Variants in SGCZ observed in about 807,000 individuals in gnomAD.
SGCZ encodes the protein sarcoglycan zeta, also known as zeta-sarcoglycan.
In SGCZ, 40 loss-of-function variants were observed where a neutral mutation model predicts 41.3. The ratio of observed to expected loss-of-function variants is 0.97; its 90% CI spans 0.75 to 1.26. SGCZ has a LOEUF of 1.26. Ranked by LOEUF, SGCZ falls within the 50% of genes most tolerant of loss-of-function variation. SGCZ has a pLI of 0.00. For synonymous variants in SGCZ, 206 were observed against 137.5 expected, an observed-to-expected ratio of 1.50 and a Z score of -3.49; for missense variants, 552 against 369.8, an observed-to-expected ratio of 1.49 and a Z score of -4.04.
intron 1 of SGCZ, among the ~76,000 whole-genome samples, chr8:14,846,703 C>CAAAAAAAAAAA (rs56796907): frequency 2.6e-4 from 5 of 19,370 alleles, no homozygotes; most frequent in Non-Finnish European, 4.5e-4. Flanking sequence ...CCTTTAAATC[C>CAAAAAAAAAAA]AAAAAAAAAA....
At chr8:14,441,549 T>C (rs1188948274) in intron 2 of SGCZ, among the ~76,000 whole-genome samples, 2 of 152,202 alleles carry the variant, frequency 1.3e-5, no homozygotes, top group African/African-American at 4.8e-5. Flanking sequence ...CACTCCAGCC[T>C]GGTGATAGAG....
Position 14,531,604 on chromosome 8 carries a change from T to C in SGCZ, c.234+23128A>G, listed in dbSNP as rs368336279. Among the ~76,000 whole-genome samples the C allele has an allele frequency of 1.3e-4, 20 of 152,184 alleles. No individual in the cohort carries two copies. The East Asian group carries it at 2.7e-3, about 21-fold the overall frequency. ...AAGAATTCTAAAATAACCCTGAGAATTTATGAGTTATGAGAGGATACACAG... is the reference window on the plus strand; with the variant it reads ...AAGAATTCTAAAATAACCCTGAGAACTTATGAGTTATGAGAGGATACACAG... On this transcript the variant is annotated intron_variant, in intron 2 of 7. Transcript: ENST00000382080.
intron 1 of SGCZ, among the ~76,000 whole-genome samples, chr8:14,947,838 TGCCTTATA>T (rs1443922655): frequency 6.6e-6 from 1 of 152,218 alleles, no homozygotes; most frequent in Non-Finnish European, 1.5e-5. Flanking sequence ...CCATTTAGTT[TGCCTTATA>T]GGCAGCTACT....
At chr8:14,988,957 C>G (rs1403249621) in intron 1 of SGCZ, among the ~76,000 whole-genome samples, 1 of 152,072 alleles carries the variant, frequency 6.6e-6, no homozygotes, top group Non-Finnish European at 1.5e-5. Flanking sequence ...AATTGCTCAA[C>G]TTAGTGATTC....
At chr8:14,177,958 C>CCT (rs1554472807) in intron 4 of SGCZ, among the ~76,000 whole-genome samples, 81 of 95,050 alleles carry the variant, frequency 8.5e-4, no homozygotes, top group African/African-American at 2.1e-3. Context: ...CTTTTTTTTT[C>CCT]TTTTTTTTTT....
chr8:14,592,414 T>C (rs1585107163), intron 1 of SGCZ, among the ~76,000 whole-genome samples: 1 of 152,144 alleles, frequency 6.6e-6, no homozygotes, highest in African/African-American at 2.4e-5. Flanking sequence ...AAAGTATACA[T>C]GCTATATTTC....
intron 1 of SGCZ, among the ~76,000 whole-genome samples, chr8:15,218,536 A>T (rs1408776109): frequency 6.6e-6 from 1 of 152,224 alleles, no homozygotes; most frequent in Non-Finnish European, 1.5e-5. Context: ...GTTCTAACAT[A>T]CATCCATGCA....
At chr8:15,003,028 C>G (rs943694190) in intron 1 of SGCZ, among the ~76,000 whole-genome samples, 5 of 152,122 alleles carry the variant, frequency 3.3e-5, no homozygotes, top group African/African-American at 1.2e-4. Context: ...CGTAACTTTG[C>G]TCCTCCTTCA....
intron 4 of SGCZ, among the ~76,000 whole-genome samples, chr8:14,235,515 G>A (rs748526991): frequency 6.6e-5 from 10 of 152,040 alleles, no homozygotes; most frequent in African/African-American, 1.9e-4. Flanking sequence ...AGTTTGGAAC[G>A]GTAACTGAAA....
intron 1 of SGCZ, among the ~76,000 whole-genome samples, chr8:15,027,703 T>G (rs1236092703): frequency 6.6e-6 from 1 of 152,114 alleles, no homozygotes. Flanking sequence ...ACATATTAAC[T>G]ACTTTGTCCT....
intron 4 of SGCZ, among the ~76,000 whole-genome samples, chr8:14,179,119 A>G (rs1361640981): frequency 1.3e-5 from 2 of 152,316 alleles, no homozygotes; most frequent in East Asian, 3.9e-4. Context: ...GGGACACTCT[A>G]AAACCACCCA....
intron 1 of SGCZ, among the ~76,000 whole-genome samples, chr8:14,898,552 G>T (rs1271635011): frequency 6.6e-6 from 1 of 152,132 alleles, no homozygotes; most frequent in East Asian, 1.9e-4. Context: ...AGAATAAATT[G>T]GTAAAAGCAA....
In SGCZ at chr8:14,664,068, G is replaced by A. The variant is rs1245568492; in HGVS notation, c.40-109142C>T. Among the ~76,000 whole-genome samples, 4 of 152,302 alleles carry A rather than the reference G, an allele frequency of 2.6e-5. No individual in the cohort carries two copies. The East Asian group carries it at 7.7e-4, about 29-fold the overall frequency. The stretch of plus-strand genomic sequence containing the variant: ...AAGCTCTCTGATAGAGCTAAGTGCT[G>A]TATTTTCATGCTTAGATGTACAATG... On this transcript the variant is annotated intron_variant, in intron 1 of 7. Transcript: ENST00000382080.
intron 1 of SGCZ, among the ~76,000 whole-genome samples, chr8:15,124,950 G>GA (rs367660217): frequency 7.9e-5 from 12 of 151,526 alleles, no homozygotes; most frequent in African/African-American, 1.7e-4. Flanking sequence ...TATGAATTAT[G>GA]AAAAAAAACA....
chr8:14,384,503 T>G (rs1305970097), intron 2 of SGCZ, among the ~76,000 whole-genome samples: 2 of 152,202 alleles, frequency 1.3e-5, no homozygotes, highest in Non-Finnish European at 2.9e-5. Flanking sequence ...AGGGAAATAT[T>G]TTATTTAAAA....
intron 1 of SGCZ, among the ~76,000 whole-genome samples, chr8:14,674,044 G>T (rs964320468): frequency 3.9e-5 from 6 of 152,040 alleles, no homozygotes; most frequent in Admixed American, 1.3e-4. Flanking sequence ...TGGAGATGAA[G>T]TTCGATGAAT....
chr8:14,513,976 A>G (rs557865152), intron 2 of SGCZ, among the ~76,000 whole-genome samples: 63 of 152,216 alleles, frequency 4.1e-4, no homozygotes, highest in African/African-American at 1.4e-3. Context: ...CTAAGAACCA[A>G]CTGAGATATA....
At chr8:15,094,621 G>A (rs749322970) in intron 1 of SGCZ, among the ~76,000 whole-genome samples, 1 of 152,190 alleles carries the variant, frequency 6.6e-6, no homozygotes, top group Non-Finnish European at 1.5e-5. Flanking sequence ...CTGGAGCCCA[G>A]TAAGCTAGGA....
intron 1 of SGCZ, among the ~76,000 whole-genome samples, chr8:14,705,166 C>T (rs139321525): frequency 6.6e-6 from 1 of 151,954 alleles, no homozygotes; most frequent in Non-Finnish European, 1.5e-5. Flanking sequence ...CACCTCATAA[C>T]AAGAACAAAA....
Sources: allele counts gnomAD v4.1 joint callset (sites outside exome capture counted in the v4.1 genomes callset), GRCh38; gene constraint gnomAD v4.1.1; transcripts MANE v1.5; gene names NCBI Gene and HGNC (gene_info 2026-07-23, HGNC 2026-07-21).